The following BCL2L12 variants were observed in gnomAD, a reference collection of about 807,000 sequenced individuals.
BCL2L12 encodes the protein bcl-2-like protein 12.
In BCL2L12, 27 loss-of-function variants were observed where a neutral mutation model predicts 25.7. The observed-to-expected ratio is 1.05, with a 90% CI of 0.78 to 1.45. BCL2L12 has a LOEUF of 1.45. Among genes scored for constraint, BCL2L12 ranks in the 40% most tolerant of loss-of-function variants. The pLI is 0.00. For missense variants in BCL2L12, 302 were observed against 329.8 expected (o/e 0.92, Z 0.65); for synonymous variants, 132 against 145.6 (o/e 0.91, Z 0.67).
intron 1 of BCL2L12, 122 bp downstream of exon 1, chr19:49,666,189 C>G (rs1454343982): frequency 3.8e-6 from 5 of 1,317,388 alleles, no homozygotes; most frequent in Non-Finnish European, 5.1e-6. Flanking sequence ...TAGATTCCAG[C>G]AGGGGTCGGA....
At chr19:49,670,119 T>C in intron 5 of BCL2L12, 97 bp from the exon 6 acceptor site, 4 of 1,469,118 alleles carry the variant, frequency 2.7e-6, no homozygotes, top group Non-Finnish European at 3.6e-6. Flanking sequence ...CCTTAGCATC[T>C]AGAACGATCC....
Position 49,666,071 on chromosome 19 carries a change from A to G in BCL2L12, c.-9+4A>G. On this transcript the variant is annotated splice_donor_region_variant and intron_variant, in intron 1 of 6. Transcript: ENST00000246784. ...CGGCGGTGGGGCCCCGGACCAGGTC[A>G]GCGGGGTGTTGACGAGGGGTGGGGT... 1 of 1,536,114 alleles carries G rather than the reference A, an allele frequency of 6.5e-7. No homozygotes were observed. The highest frequency in any genetic ancestry group is 8.8e-7 in the Non-Finnish European group (1 of 1,135,244).
chr19:49,671,198 C>T (rs2081955418), intron 6 of BCL2L12, among the ~76,000 whole-genome samples: 1 of 150,956 alleles, frequency 6.6e-6, no homozygotes, highest in East Asian at 2.0e-4. Context: ...TGCGGTGGCT[C>T]ACACCTGTAA....
chr19:49,665,554 C>T, upstream of BCL2L12: 1 of 425,274 alleles, frequency 2.4e-6, no homozygotes, highest in Non-Finnish European at 4.3e-6. Flanking sequence ...CCTTTCCACT[C>T]TCCGTGCAGA....
At chr19:49,667,906 G>A (rs956163415) in intron 3 of BCL2L12, among the ~76,000 whole-genome samples, 7 of 149,958 alleles carry the variant, frequency 4.7e-5, no homozygotes, top group East Asian at 4.0e-4. Context: ...TCAGCCTCCC[G>A]AGTGACTGGG....
At chr19:49,667,187 G>A (rs771979209) in intron 3 of BCL2L12, 26 bp downstream of exon 3, 1 of 1,605,196 alleles carries the variant, frequency 6.2e-7, no homozygotes, top group Non-Finnish European at 8.5e-7. Flanking sequence ...GATCATCTAT[G>A]AAGCCGGCAG....
In BCL2L12 at chr19:49,670,227, C is replaced by T. The variant is rs779307025; in HGVS notation, c.441C>T (p.Asp147=). The part of the protein sequence containing the change: ...AEVINQKLAS[D]PALRSKLVRL... ...CTTCCACCCTACAGCTGGCCTCGGA[C>T]CCCGCCCTGCGCAGCAAGCTGGTCC... The change falls in exon 6 of 7, where the codon GAC becomes GAT. Residue 147 remains aspartate (D), a synonymous_variant. Coordinates refer to ENST00000246784, the MANE Select transcript of BCL2L12 (RefSeq NM_138639.2). 3.1e-6 allele frequency: 5 copies of T among 1,606,410 alleles called. No individual in the cohort carries two copies. The highest frequency in any genetic ancestry group is 4.5e-5 in the East Asian group (2 of 44,806).
At chr19:49,669,536 T>TCAAAAAAAAAAA (rs2081907267) in intron 5 of BCL2L12, among the ~76,000 whole-genome samples, 1 of 132,704 alleles carries the variant, frequency 7.5e-6, no homozygotes, top group East Asian at 2.1e-4. Flanking sequence ...ACTCTGTCTT[T>TCAAAAAAAAAAA]AAAAAAAAAA....
chr19:49,667,494 G>GA (rs1404837802), intron 3 of BCL2L12, among the ~76,000 whole-genome samples: 1 of 152,136 alleles, frequency 6.6e-6, no homozygotes, highest in Non-Finnish European at 1.5e-5. Context: ...TGACTCTGGG[G>GA]AAAATGCTTT....
At chr19:49,665,667 C>A (rs1251962855), upstream of BCL2L12, 6 of 987,226 alleles carry the variant, frequency 6.1e-6, no homozygotes, top group Admixed American at 1.6e-4. Context: ...GCAGCTGGAA[C>A]CCACCCCTGT....
Position 49,670,334 on chromosome 19 carries a change from C to G in BCL2L12, c.548C>G (p.Pro183Arg), listed in dbSNP as rs184053498. ...AGCTCTCGCCCAAGCCGAGCATGCC[C>G]CGGGCCCCCGCCTCCTTCCCCGGAG... The part of the protein sequence containing the change: ...DDSSRPSRAC[P>R]GPPPPSPEPL... Residue 183 changes from proline (P) to arginine (R), a missense_variant, in exon 6 of 7, where the codon CCC becomes CGC. Pro to Arg is a moderately radical substitution (Grantham distance 103). Transcript: ENST00000246784. The G allele has an allele frequency of 8.4e-5, 134 of 1,602,214 alleles. No homozygotes were observed. The Admixed American group carries it at 2.0e-3, about 24-fold the overall frequency.
At chr19:49,671,008 A>G (rs1331883927) in intron 6 of BCL2L12, among the ~76,000 whole-genome samples, 2 of 151,350 alleles carry the variant, frequency 1.3e-5, no homozygotes, top group African/African-American at 4.9e-5. Flanking sequence ...AAAAAAATAC[A>G]TAAATTAGCC....
At position 49,669,071 on chromosome 19, in the gene BCL2L12, C is replaced by T; in HGVS notation, c.385C>T (p.Leu129=). ...STEKEAILRR[L]VALLEEEAEV... is the part of the protein sequence containing the mutation. ...AGAGAAGGAAGCCATACTGCGGAGG[C>T]TGGTGGCCCTGCTGGAGGAGGAGGC... is the stretch of plus-strand genomic sequence containing the variant. Residue 129 remains leucine, a synonymous_variant, in exon 5 of 7, where the codon CTG becomes TTG. Coordinates refer to ENST00000246784, the MANE Select transcript of BCL2L12 (RefSeq NM_138639.2). 6.2e-7 allele frequency: 1 copy of T among 1,614,158 alleles called. No individual in the cohort carries two copies. The highest frequency in any genetic ancestry group is 1.3e-5 in the African/African-American group (1 of 75,054).
At position 49,670,476 on chromosome 19, in the gene BCL2L12, C is replaced by T. The variant is rs1318975772; in HGVS notation, c.690C>T (p.Ala230=). 4 of 1,536,136 alleles carry T rather than the reference C, an allele frequency of 2.6e-6. No individual in the cohort carries two copies. Among genetic ancestry groups the T allele is most frequent in the Non-Finnish European group, 2.6e-6 (3 of 1,144,056 alleles). Residue 230 remains alanine, a synonymous_variant, in exon 6 of 7, where the codon GCC becomes GCT. Coordinates refer to ENST00000246784, the MANE Select transcript of BCL2L12 (RefSeq NM_138639.2). ...HVHSFTPWIQ[A]HGGWEGILAV... ...ACAGCTTCACGCCCTGGATCCAGGCCCACGGGGGCTGGGTGAGCCGCTGAA... is the reference window on the plus strand; with the variant it reads ...ACAGCTTCACGCCCTGGATCCAGGCTCACGGGGGCTGGGTGAGCCGCTGAA...
At position 49,666,721 on chromosome 19, in the gene BCL2L12, G is replaced by C. The variant is rs751993522; in HGVS notation, c.29G>C (p.Arg10Pro). MAGSEELGL[R>P]EDTLRVLAAF... ...GCAGGCTCTGAAGAGCTGGGGCTCC[G>C]GGAAGACACGCTGAGGGTCCTAGCT... The change falls in exon 2 of 7, where the codon CGG becomes CCG. Residue 10 changes from arginine (R) to proline (P), a missense_variant. Physicochemically the swap from Arg to Pro is moderately radical, Grantham distance 103. Transcript: ENST00000246784. 1 of 1,555,702 alleles carries C rather than the reference G, an allele frequency of 6.4e-7. No individual in the cohort carries two copies. The highest frequency in any genetic ancestry group is 1.2e-5 in the South Asian group (1 of 84,420).
intron 6 of BCL2L12, 40 bp downstream of exon 6, chr19:49,670,528 C>T: frequency 1.3e-6 from 2 of 1,527,190 alleles, no homozygotes; most frequent in Non-Finnish European, 1.8e-6. Context: ...CTCACTTTAC[C>T]TAACTGTCAT....
chr19:49,665,923 A>G (rs767861480), upstream of BCL2L12: 3 of 1,613,804 alleles, frequency 1.9e-6, no homozygotes, highest in East Asian at 2.2e-5. Context: ...GCGTGCACCC[A>G]GCGTTCCGCC....
Position 49,673,764 on chromosome 19 carries a change from C to T in BCL2L12, c.*16C>T. On this transcript the variant is annotated 3_prime_UTR_variant, in exon 7 of 7. Coordinates refer to ENST00000246784, the MANE Select transcript of BCL2L12 (RefSeq NM_138639.2). ...ATTGGACTGAGCTCTTTCTCAGAAG[C>T]TGCTACAAGATGACACCTCATGTCC... The T allele has an allele frequency of 1.2e-6, 2 of 1,614,044 alleles. No homozygotes were observed. The highest frequency in any genetic ancestry group is 1.3e-5 in the African/African-American group (1 of 75,040).
rs1599902250 is a variant in BCL2L12, at chr19:49,666,578, G to A, written c.-8-107G>A. On this transcript the variant is annotated intron_variant, in intron 1 of 6. Transcript: ENST00000246784. The stretch of plus-strand genomic sequence containing the variant: ...AGACCCACACTCTCCAAAGGACCCA[G>A]GAGTCCAGGCCCTCAGCACCTTCCT... 6 of 778,622 alleles carry A rather than the reference G, an allele frequency of 7.7e-6. No individual in the cohort carries two copies. The East Asian group carries it at 1.6e-4, about 21-fold the overall frequency. The allele number at this position is 778,622 out of a possible 1,614,324, so 48.2% of individuals were successfully genotyped here.
Sources: allele counts gnomAD v4.1 joint callset (sites outside exome capture counted in the v4.1 genomes callset), GRCh38; gene constraint gnomAD v4.1.1; transcripts MANE v1.5; gene names NCBI Gene and HGNC (gene_info 2026-07-23, HGNC 2026-07-21).